The following EYA1 variants were observed in gnomAD, a reference collection of about 807,000 sequenced individuals.
EYA1 encodes the protein EYA transcriptional coactivator and phosphatase 1.
Under a neutral mutation model 82.0 loss-of-function variants are expected in EYA1, and 16 were observed. The ratio of observed to expected loss-of-function variants is 0.20; its 90% confidence interval spans 0.13 to 0.30. The LOEUF is 0.30. Among genes scored for constraint, EYA1 ranks in the 10% least tolerant of loss-of-function variants. The pLI is 1.00. For synonymous variants in EYA1, 261 were observed against 264.4 expected (o/e 0.99, Z 0.12); for missense variants, 633 against 730.7 (o/e 0.87, Z 1.54).
intron 2 of EYA1, among the ~76,000 whole-genome samples, chr8:71,529,174 A>G (rs548503307): frequency 1.3e-5 from 2 of 152,324 alleles, no homozygotes; most frequent in South Asian, 2.1e-4. Context: ...TTCTGAATCC[A>G]AGTCAAGGTT....
chr8:71,244,544 T>G, intron 12 of EYA1, 59 bp downstream of exon 12: 1 of 882,188 alleles, frequency 1.1e-6, no homozygotes, highest in South Asian at 1.4e-5. Flanking sequence ...TATCTTTATT[T>G]TAAAACCAAT....
chr8:71,403,293 T>A (rs1348119076), intron 2 of EYA1: 1 of 152,126 alleles, frequency 6.6e-6, no homozygotes, highest in Non-Finnish European at 1.5e-5. Flanking sequence ...AAATGGCCAA[T>A]AAACATGAAA....
chr8:71,235,956 T>C (rs1811777988), intron 12 of EYA1, among the ~76,000 whole-genome samples: 1 of 152,220 alleles, frequency 6.6e-6, no homozygotes, highest in African/African-American at 2.4e-5. Context: ...ACTTTTAAAC[T>C]TGAAAATATA....
intron 2 of EYA1, among the ~76,000 whole-genome samples, chr8:71,517,686 T>A (rs1813068928): frequency 6.8e-6 from 1 of 146,260 alleles, no homozygotes; most frequent in Admixed American, 7.1e-5. Context: ...GAGTATGTTG[T>A]TCACAAGATA....
At chr8:71,316,189 A>G (rs1281706077) in intron 7 of EYA1, among the ~76,000 whole-genome samples, 1 of 152,210 alleles carries the variant, frequency 6.6e-6, no homozygotes, top group Non-Finnish European at 1.5e-5. Flanking sequence ...TCAAATGTGT[A>G]TACTTTAACA....
intron 2 of EYA1, among the ~76,000 whole-genome samples, chr8:71,396,545 A>G (rs1181461471): frequency 6.6e-6 from 1 of 152,162 alleles, no homozygotes; most frequent in African/African-American, 2.4e-5. Flanking sequence ...TCATTTCGTT[A>G]TATAGCCAGT....
At chr8:71,530,205 A>G (rs1354774205) in intron 2 of EYA1, among the ~76,000 whole-genome samples, 1 of 152,192 alleles carries the variant, frequency 6.6e-6, no homozygotes, top group Non-Finnish European at 1.5e-5. Flanking sequence ...AGAGGGACAA[A>G]GGCCATGTGA....
chr8:71,455,695 C>T (rs1807834885), intron 2 of EYA1, among the ~76,000 whole-genome samples: 1 of 152,150 alleles, frequency 6.6e-6, no homozygotes, highest in Non-Finnish European at 1.5e-5. Context: ...AGGCCTTCGA[C>T]AAAATTCAAC....
intron 2 of EYA1, among the ~76,000 whole-genome samples, chr8:71,472,743 A>C (rs1336350786): frequency 2.0e-5 from 3 of 148,252 alleles, no homozygotes; most frequent in Admixed American, 6.9e-5. Flanking sequence ...CCAGTATACC[A>C]TGCAAGTATG....
rs557969040 is a variant in EYA1, at chr8:71,539,971, G to A, written c.-72-4123C>T. On this transcript the variant is annotated intron_variant, in intron 1 of 18. Transcript: ENST00000643681. ...CCCCCTTGGGAGCCCAGAAGCCTTG[G>A]GAAGTTGGGCCACTGGTGATGACAT... Among the ~76,000 whole-genome samples the A allele has an allele frequency of 6.0e-4, 92 of 152,254 alleles. 1 individual carries two copies. In the South Asian group the frequency reaches 8.1e-3, roughly 13 times the overall value.
chr8:71,322,040 A>G, intron 5 of EYA1, 159 bp downstream of exon 5: 5 of 1,104,272 alleles, frequency 4.5e-6, no homozygotes, highest in South Asian at 3.9e-5. Context: ...TGTCTCCACT[A>G]CATGATGCTC....
At chr8:71,392,663 G>A (rs142444864) in intron 2 of EYA1, among the ~76,000 whole-genome samples, 18 of 152,208 alleles carry the variant, frequency 1.2e-4, no homozygotes, top group South Asian at 8.3e-4. Flanking sequence ...ATAATTATTG[G>A]TCTTTTCAGG....
At chr8:71,285,811 C>A (rs2128977561) in intron 9 of EYA1, among the ~76,000 whole-genome samples, 1 of 152,296 alleles carries the variant, frequency 6.6e-6, no homozygotes, top group South Asian at 2.1e-4. Context: ...AAGGTAATTT[C>A]TTCCTGAGCA....
chr8:71,497,553 T>A (rs1309039543), intron 2 of EYA1, among the ~76,000 whole-genome samples: 1 of 152,072 alleles, frequency 6.6e-6, no homozygotes, highest in African/African-American at 2.4e-5. Flanking sequence ...ATGGCTATTT[T>A]AAAAAGATAA....
intron 1 of EYA1, among the ~76,000 whole-genome samples, chr8:71,545,781 C>T (rs1815512981): frequency 6.6e-6 from 1 of 151,986 alleles, no homozygotes; most frequent in Admixed American, 6.6e-5. Flanking sequence ...AGGATGGTCT[C>T]GATCTCCTGA....
intron 12 of EYA1, among the ~76,000 whole-genome samples, chr8:71,238,418 A>T (rs948988526): frequency 6.6e-6 from 1 of 152,166 alleles, no homozygotes; most frequent in Admixed American, 6.5e-5. Flanking sequence ...CCTTTCAAAT[A>T]GAACTTAGAA....
chr8:71,498,171 T>C (rs1811558211), intron 2 of EYA1, among the ~76,000 whole-genome samples: 2 of 152,190 alleles, frequency 1.3e-5, no homozygotes, highest in South Asian at 4.1e-4. Flanking sequence ...TTATATTGTA[T>C]TCTTCAAAAA....
intron 3 of EYA1, among the ~76,000 whole-genome samples, chr8:71,348,988 C>T (rs559631775): frequency 2.6e-5 from 4 of 152,194 alleles, no homozygotes; most frequent in African/African-American, 4.8e-5. Context: ...AGTAACACCG[C>T]CCCAATCCAA....
chr8:71,227,719 A>T (rs1810725188), intron 12 of EYA1, among the ~76,000 whole-genome samples: 1 of 152,218 alleles, frequency 6.6e-6, no homozygotes, highest in Admixed American at 6.5e-5. Flanking sequence ...AATCATTTGC[A>T]ACAAATATTA....
Sources: gnomAD v4.1 joint callset for allele counts (sites outside exome capture counted in the v4.1 genomes callset) on GRCh38, gnomAD v4.1.1 for gene constraint, MANE v1.5 for transcripts, NCBI Gene and HGNC (gene_info 2026-07-23, HGNC 2026-07-21) for gene names.